Variants in SLC7A5 observed in about 807,000 individuals in gnomAD.
The protein encoded by SLC7A5 is solute carrier family 7 member 5.
A neutral mutation model predicts 50.2 loss-of-function variants in SLC7A5; 23 were observed. That is an observed-to-expected ratio of 0.46 (90% CI 0.33 to 0.65). The LOEUF (loss-of-function observed/expected upper bound fraction) is 0.65, where lower values mean the gene tolerates loss of function less well. Ranked by LOEUF, SLC7A5 falls within the 30% of genes least tolerant of loss-of-function variation. The probability of loss-of-function intolerance (pLI) is 0.02; values close to 1 mark genes in which losing one functional copy is unlikely to be tolerated. For synonymous variants in SLC7A5, 393 were observed against 330.6 expected, an observed-to-expected ratio of 1.19 and a Z score of -2.05; for missense variants, 578 against 684.4, an observed-to-expected ratio of 0.84 and a Z score of 1.73.
chr16:87,869,428 G>C lies in SLC7A5; in HGVS notation c.-6C>G, dbSNP rs1419855034. 3 of 1,457,730 alleles carry C rather than the reference G, an allele frequency of 2.1e-6. No individual in the cohort carries two copies. Among genetic ancestry groups the C allele is most frequent in the Middle Eastern group, 2.5e-4 (1 of 3,934 alleles). The allele number at this position is 1,457,730 out of a possible 1,614,324, so 90.3% of individuals were successfully genotyped here. A position where few individuals can be genotyped will look rare whatever the true frequency, so the allele number is the denominator to read the frequency against. ...TTCGGGCCCGCACCCGCCATGCTCT[G>C]CGCACCGGCCGGGCCTGGGACACCC... On this transcript the variant is annotated 5_prime_UTR_variant, in exon 1 of 10. Coordinates refer to ENST00000261622, the MANE Select transcript of SLC7A5 (RefSeq NM_003486.7).
intron 7 of SLC7A5, 154 bp from the exon 8 acceptor site, chr16:87,836,801 A>T: frequency 4.0e-6 from 2 of 504,368 alleles, no homozygotes; most frequent in South Asian, 1.6e-5. Context: ...GCAACATGCA[A>T]GGTCTTGAAG....
rs1359502040 is a variant in SLC7A5, at chr16:87,833,581, G to T, written c.1469-556C>A. ...AATGACAGTTAATGCAGATCCCACTGCAAAGCTTGAGGCAAATGTTCTACC... is the reference window on the plus strand; with the variant it reads ...AATGACAGTTAATGCAGATCCCACTTCAAAGCTTGAGGCAAATGTTCTACC... On this transcript the variant is annotated intron_variant, in intron 9 of 9. Coordinates refer to ENST00000261622, the MANE Select transcript of SLC7A5 (RefSeq NM_003486.7). The surrounding 1 kb of genome is among the most constrained non-coding windows in gnomAD (Gnocchi z 6.0). Among the ~76,000 whole-genome samples, 1 of 152,216 alleles carries T rather than the reference G, an allele frequency of 6.6e-6. No homozygotes were observed. Among genetic ancestry groups the T allele is most frequent in the African/African-American group, 2.4e-5 (1 of 41,458 alleles).
chr16:87,835,496 T>C (rs2054987813), intron 8 of SLC7A5, among the ~76,000 whole-genome samples: 1 of 152,212 alleles, frequency 6.6e-6, no homozygotes, highest in Non-Finnish European at 1.5e-5. Context: ...CCCCTGTTTT[T>C]TTTGTTTGTT....
At chr16:87,837,809 A>G in intron 7 of SLC7A5, 36 bp downstream of exon 7, 1 of 1,538,778 alleles carries the variant, frequency 6.5e-7, no homozygotes. Flanking sequence ...GACAACCCCC[A>G]GGGATGTAGG....
chr16:87,866,432 CTGGGA>C (rs1456141182), intron 1 of SLC7A5, among the ~76,000 whole-genome samples: 1 of 152,152 alleles, frequency 6.6e-6, no homozygotes, highest in East Asian at 1.9e-4. Flanking sequence ...CTCCGAGTAG[CTGGGA>C]CTACAGGTGT....
intron 1 of SLC7A5, among the ~76,000 whole-genome samples, chr16:87,856,211 T>C (rs971711526): frequency 6.6e-6 from 1 of 152,208 alleles, no homozygotes; most frequent in African/African-American, 2.4e-5. Context: ...CCAGGAGTCA[T>C]CTGTAATGAC....
intron 2 of SLC7A5, 73 bp downstream of exon 2, chr16:87,851,651 A>C: frequency 1.9e-6 from 3 of 1,566,140 alleles, no homozygotes; most frequent in Non-Finnish European, 2.6e-6. Context: ...CGGGGACGGG[A>C]CCTCATGCCC....
At position 87,852,301 on chromosome 16, in the gene SLC7A5, C is replaced by T. The variant is rs904170850; in HGVS notation, c.539-452G>A. The stretch of plus-strand genomic sequence containing the variant: ...GCCCGACTGCCGGACTCCATGAGGG[C>T]GGGGCCCTTTCCTCAAAGAGGATCT... On this transcript the variant is annotated intron_variant, in intron 1 of 9. Coordinates refer to ENST00000261622, the MANE Select transcript of SLC7A5 (RefSeq NM_003486.7). This position sits in a 1 kb window ranked among gnomAD's most constrained non-coding sequence, Gnocchi z 4.5. 2.0e-5 allele frequency among the ~76,000 whole-genome samples: 3 copies of T among 152,180 alleles called. No individual in the cohort carries two copies. The highest frequency in any genetic ancestry group is 1.3e-4 in the Admixed American group (2 of 15,290).
chr16:87,840,490 A>G lies in SLC7A5; in HGVS notation c.771-17T>C. The G allele has an allele frequency of 2.5e-6, 4 of 1,589,270 alleles. No individual in the cohort carries two copies. Among genetic ancestry groups the G allele is most frequent in the Non-Finnish European group, 3.4e-6 (4 of 1,162,052 alleles). ...AAGTAATTCCTAAAATTTAGAGAAC[A>G]GCGTTCAAATTATATGATCCTCATC... is the stretch of plus-strand genomic sequence containing the variant. On this transcript the variant is annotated splice_polypyrimidine_tract_variant and intron_variant, in intron 3 of 9. Transcript: ENST00000261622.
At chr16:87,847,809 T>C (rs2143768677) in intron 2 of SLC7A5, among the ~76,000 whole-genome samples, 1 of 152,294 alleles carries the variant, frequency 6.6e-6, no homozygotes, top group South Asian at 2.1e-4. Context: ...GGGGCCCTAC[T>C]AGCTGAAGAA....
rs1277924572 is a variant in SLC7A5, at chr16:87,861,152, C to T, written c.538+7733G>A. ...CTGCAGACGGGCCAGGCAAGGCCTG[C>T]CCATGGCCAGCTATCCAGGTGATGC... On this transcript the variant is annotated intron_variant, in intron 1 of 9. Coordinates refer to ENST00000261622, the MANE Select transcript of SLC7A5 (RefSeq NM_003486.7). The surrounding 1 kb of genome is among the most constrained non-coding windows in gnomAD (Gnocchi z 4.2). Among the ~76,000 whole-genome samples the T allele has an allele frequency of 6.6e-6, 1 of 152,194 alleles. No homozygotes were observed. Among genetic ancestry groups the T allele is most frequent in the Non-Finnish European group, 1.5e-5 (1 of 68,022 alleles).
chr16:87,848,986 G>T (rs1477727587), intron 2 of SLC7A5, among the ~76,000 whole-genome samples: 1 of 152,232 alleles, frequency 6.6e-6, no homozygotes, highest in Non-Finnish European at 1.5e-5. Flanking sequence ...GGGGGCCAAG[G>T]GCAGCAAGGA....
chr16:87,862,675 C>T lies in SLC7A5; in HGVS notation c.538+6210G>A, dbSNP rs909364028. Among the ~76,000 whole-genome samples, 11 of 152,238 alleles carry T rather than the reference C, an allele frequency of 7.2e-5. No homozygotes were observed. The highest frequency in any genetic ancestry group is 2.7e-4 in the African/African-American group (11 of 41,460). On this transcript the variant is annotated intron_variant, in intron 1 of 9. Coordinates refer to ENST00000261622, the MANE Select transcript of SLC7A5 (RefSeq NM_003486.7). This position sits in a 1 kb window ranked among gnomAD's most constrained non-coding sequence, Gnocchi z 5.3. ...ATACAGGCACGTGGAGGGACGGTCA[C>T]AGCCCGTGCAACTGGCACCTTCACA...
intron 1 of SLC7A5, among the ~76,000 whole-genome samples, chr16:87,865,638 C>T (rs1275698362): frequency 5.3e-5 from 8 of 152,136 alleles, no homozygotes; most frequent in East Asian, 1.9e-4. Context: ...ACCCGGGATG[C>T]GGAGGTTGTA....
chr16:87,868,971 A>G lies in SLC7A5; in HGVS notation c.452T>C (p.Val151Ala). Residue 151 changes from valine (V) to alanine (A), a missense_variant, in exon 1 of 10, where the codon GTC becomes GCC. Val to Ala is a moderately conservative substitution (Grantham distance 64, BLOSUM62 0). This residue lies in a region of SLC7A5 where 465 missense variants were observed against 594.6 expected (regional missense o/e 0.78). Coordinates refer to ENST00000261622, the MANE Select transcript of SLC7A5 (RefSeq NM_003486.7). The part of the protein sequence containing the change: ...RPSSQYIVAL[V>A]FATYLLKPLF... Reference sequence around the variant, plus strand: ...CGGCTTGAGCAGGTAGGTGGCGAAGACCAGGGCCACGATGTACTGCGATGA... The same window carrying G: ...CGGCTTGAGCAGGTAGGTGGCGAAGGCCAGGGCCACGATGTACTGCGATGA... 6.2e-7 allele frequency: 1 copy of G among 1,611,032 alleles called. No homozygotes were observed. Among genetic ancestry groups the G allele is most frequent in the Non-Finnish European group, 8.5e-7 (1 of 1,179,624 alleles).
intron 7 of SLC7A5, 103 bp downstream of exon 7, chr16:87,837,742 C>A: frequency 1.1e-6 from 1 of 915,108 alleles, no homozygotes; most frequent in South Asian, 1.4e-5. Flanking sequence ...AGCTGTCACC[C>A]AGTCCACACC....
At chr16:87,851,875 G>A in intron 1 of SLC7A5, 26 bp from the exon 2 acceptor site, 1 of 1,612,300 alleles carries the variant, frequency 6.2e-7, no homozygotes, top group Non-Finnish European at 8.5e-7. Context: ...GCAGCGGTGA[G>A]TTCCACGGGC....
At chr16:87,847,173 C>A (rs967364904) in intron 2 of SLC7A5, among the ~76,000 whole-genome samples, 1 of 152,230 alleles carries the variant, frequency 6.6e-6, no homozygotes, top group African/African-American at 2.4e-5. Flanking sequence ...CTCTAAGCCA[C>A]AGCCCAGGGG....
chr16:87,854,860 G>A (rs1391497170), intron 1 of SLC7A5, among the ~76,000 whole-genome samples: 3 of 152,198 alleles, frequency 2.0e-5, no homozygotes, highest in Admixed American at 6.5e-5. Context: ...TGCCTTGGGG[G>A]CAGTGCATTG....
Sources: allele counts gnomAD v4.1 joint callset (sites outside exome capture counted in the v4.1 genomes callset), GRCh38; gene constraint gnomAD v4.1.1; regional missense constraint gnomAD v4.1.1; non-coding constraint Gnocchi (gnomAD v3.1); transcripts MANE v1.5; gene names NCBI Gene and HGNC (gene_info 2026-07-23, HGNC 2026-07-21).